Variants in XRCC4 observed in about 807,000 individuals in gnomAD.
XRCC4 encodes X-ray repair cross complementing 4.
Under a neutral mutation model 39.1 loss-of-function variants are expected in XRCC4, and 28 were observed. The ratio of observed to expected loss-of-function variants is 0.72; its 90% confidence interval spans 0.53 to 0.98. The LOEUF (loss-of-function observed/expected upper bound fraction) is 0.98, where lower values mean the gene tolerates loss of function less well. XRCC4 is among the 50% of genes least tolerant of loss of function. XRCC4 has a pLI of 0.00. For missense variants in XRCC4, 350 were observed against 376.4 expected (o/e 0.93, Z 0.58); for synonymous variants, 123 against 126.4 (o/e 0.97, Z 0.18).
intron 4 of XRCC4, among the ~76,000 whole-genome samples, chr5:83,202,333 C>G (rs965051600): frequency 6.6e-6 from 1 of 152,166 alleles, no homozygotes; most frequent in African/African-American, 2.4e-5. Context: ...GATACAGTGG[C>G]CAATAAAACA....
At chr5:83,247,036 G>T (rs192714037) in intron 6 of XRCC4, among the ~76,000 whole-genome samples, 15 of 152,282 alleles carry the variant, frequency 9.9e-5, no homozygotes, top group African/African-American at 3.6e-4. Flanking sequence ...GGTAAATACA[G>T]ATTTTAGAAA....
intron 6 of XRCC4, among the ~76,000 whole-genome samples, chr5:83,214,402 T>C (rs1016275854): frequency 1.3e-5 from 2 of 152,250 alleles, no homozygotes; most frequent in African/African-American, 4.8e-5. Flanking sequence ...TTCTATATGC[T>C]TGCAATGCAT....
At position 83,100,666 on chromosome 5, in the gene XRCC4, A is replaced by G. The variant is rs1320590109; in HGVS notation, c.-10-4244A>G. Among the ~76,000 whole-genome samples the G allele has an allele frequency of 3.9e-5, 6 of 152,232 alleles. No homozygotes were observed. The South Asian group carries it at 1.0e-3, about 26-fold the overall frequency. ...CTGTGTATGTTTGTATGGAAATACTATAGAGGCAAAAAATGCTATGCCACA... is the reference window on the plus strand; with the variant it reads ...CTGTGTATGTTTGTATGGAAATACTGTAGAGGCAAAAAATGCTATGCCACA... On this transcript the variant is annotated intron_variant, in intron 1 of 7. Transcript: ENST00000396027.
intron 7 of XRCC4, among the ~76,000 whole-genome samples, chr5:83,301,193 G>C (rs999585734): frequency 2.0e-5 from 3 of 152,102 alleles, no homozygotes; most frequent in Non-Finnish European, 4.4e-5. Context: ...TACACTCCCA[G>C]CAACAGTGTA....
downstream of XRCC4, among the ~76,000 whole-genome samples, chr5:83,357,498 A>C (rs908836309): frequency 1.3e-5 from 2 of 152,210 alleles, no homozygotes; most frequent in African/African-American, 4.8e-5. Flanking sequence ...TCCTCGGATC[A>C]CATGAGAATA....
the XRCC4 span, among the ~76,000 whole-genome samples, chr5:83,368,681 A>G: frequency 3.3e-5 from 5 of 152,188 alleles, no homozygotes. Flanking sequence ...TAATTCTTGT[A>G]GATCCTACGA....
the XRCC4 span, among the ~76,000 whole-genome samples, chr5:83,362,316 A>AAAC: frequency 7.8e-3 from 1,125 of 145,010 alleles, 18 homozygotes; most frequent in African/African-American, 0.031. Context: ...AAAAAAAAAA[A>AAAC]AACTATCTCA....
intron 6 of XRCC4, among the ~76,000 whole-genome samples, chr5:83,243,754 AGTGTCAGCT>A (rs1334423286): frequency 6.6e-6 from 1 of 152,214 alleles, no homozygotes; most frequent in Non-Finnish European, 1.5e-5. Flanking sequence ...TCCTGAAACC[AGTGTCAGCT>A]GGATAAAGGA....
chr5:83,226,855 T>G (rs1752310556), intron 6 of XRCC4, among the ~76,000 whole-genome samples: 1 of 152,158 alleles, frequency 6.6e-6, no homozygotes, highest in African/African-American at 2.4e-5. Context: ...CCACCATGTT[T>G]CTGACATTAC....
intron 6 of XRCC4, among the ~76,000 whole-genome samples, chr5:83,249,048 T>C (rs1753213659): frequency 6.6e-6 from 1 of 152,148 alleles, no homozygotes; most frequent in Non-Finnish European, 1.5e-5. Context: ...AATATAATCA[T>C]TTTTAAAAAG....
At chr5:83,225,863 G>A (rs1181320728) in intron 6 of XRCC4, among the ~76,000 whole-genome samples, 1 of 151,628 alleles carries the variant, frequency 6.6e-6, no homozygotes, top group Non-Finnish European at 1.5e-5. Flanking sequence ...TCTAGGCCCT[G>A]GAAATGTTTG....
intron 4 of XRCC4, among the ~76,000 whole-genome samples, chr5:83,196,201 A>G (rs1176874267): frequency 6.6e-6 from 1 of 152,142 alleles, no homozygotes; most frequent in African/African-American, 2.4e-5. Context: ...ACCCATTAAT[A>G]CTAATAAAAG....
intron 3 of XRCC4, among the ~76,000 whole-genome samples, chr5:83,122,860 T>TACTG (rs1257477840): frequency 2.6e-5 from 4 of 152,190 alleles, no homozygotes; most frequent in Non-Finnish European, 5.9e-5. Flanking sequence ...ATCGTGCCAA[T>TACTG]ACTGGTTTTT....
chr5:83,105,774 C>T lies in XRCC4; in HGVS notation c.139+716C>T, dbSNP rs978940097. On this transcript the variant is annotated intron_variant, in intron 2 of 7. Transcript: ENST00000396027. ...TTTTATAATTATGCAAAAGTCTTTTCTAGAGTTATGTTGTGAATAATGTTT... is the reference window on the plus strand; with the variant it reads ...TTTTATAATTATGCAAAAGTCTTTTTTAGAGTTATGTTGTGAATAATGTTT... Among the ~76,000 whole-genome samples the T allele has an allele frequency of 4.6e-5, 7 of 152,088 alleles. No homozygotes were observed. The South Asian group carries it at 1.5e-3, about 32-fold the overall frequency.
At chr5:83,079,268 A>G (rs1238286807) in intron 1 of XRCC4, among the ~76,000 whole-genome samples, 1 of 152,254 alleles carries the variant, frequency 6.6e-6, no homozygotes, top group Non-Finnish European at 1.5e-5. Context: ...ATGCCAATAA[A>G]TGAGGCTGAA....
At chr5:83,144,357 G>A (rs1451195606) in intron 3 of XRCC4, among the ~76,000 whole-genome samples, 4 of 148,556 alleles carry the variant, frequency 2.7e-5, no homozygotes, top group African/African-American at 9.8e-5. Flanking sequence ...ATTTGATCAA[G>A]TTTGTAAGGA....
chr5:83,258,257 T>G (rs143749905), intron 6 of XRCC4, among the ~76,000 whole-genome samples: 30 of 152,208 alleles, frequency 2.0e-4, no homozygotes, highest in African/African-American at 7.2e-4. Flanking sequence ...AAATACTATC[T>G]CCATTAAATC....
At chr5:83,346,786 A>C (rs1756929925) in intron 7 of XRCC4, among the ~76,000 whole-genome samples, 1 of 152,228 alleles carries the variant, frequency 6.6e-6, no homozygotes, top group Admixed American at 6.5e-5. Flanking sequence ...ATATGAAATG[A>C]AATAGGAACA....
intron 7 of XRCC4, among the ~76,000 whole-genome samples, chr5:83,305,766 T>C (rs1755461478): frequency 6.6e-6 from 1 of 152,180 alleles, no homozygotes; most frequent in Non-Finnish European, 1.5e-5. Flanking sequence ...CTCTTCTTGA[T>C]GTTTTACTCT....
Sources: gnomAD v4.1 joint callset for allele counts (sites outside exome capture counted in the v4.1 genomes callset) on GRCh38, gnomAD v4.1.1 for gene constraint, MANE v1.5 for transcripts, NCBI Gene and HGNC (gene_info 2026-07-23, HGNC 2026-07-21) for gene names.